GRIA1: variants seen among roughly 807,000 people sequenced by gnomAD.
GRIA1 encodes glutamate receptor 1.
Under a neutral mutation model 99.2 loss-of-function variants are expected in GRIA1, and 31 were observed. The observed-to-expected ratio is 0.31, with a 90% CI of 0.23 to 0.42. The LOEUF is 0.42. Ranked by LOEUF, GRIA1 falls within the 10% of genes least tolerant of loss-of-function variation. The pLI is 1.00. For synonymous variants in GRIA1, 438 were observed against 432.4 expected, an observed-to-expected ratio of 1.01 and a Z score of -0.16; for missense variants, 782 against 1,157.5, an observed-to-expected ratio of 0.68 and a Z score of 4.71.
chr5:153,804,997 C>A (rs1368545458), intron 15 of GRIA1, among the ~76,000 whole-genome samples: 1 of 151,996 alleles, frequency 6.6e-6, no homozygotes, highest in African/African-American at 2.4e-5. Flanking sequence ...GATAATCCAC[C>A]CACCTCGGCC....
At chr5:153,727,063 G>T (rs1391346587) in intron 11 of GRIA1, among the ~76,000 whole-genome samples, 2 of 152,088 alleles carry the variant, frequency 1.3e-5, no homozygotes, top group Non-Finnish European at 2.9e-5. Context: ...TCATCCCTGG[G>T]ATGCAAGGCT....
At chr5:153,804,721 A>AT (rs1288094883) in intron 15 of GRIA1, among the ~76,000 whole-genome samples, 21 of 66,192 alleles carry the variant, frequency 3.2e-4, no homozygotes, top group Non-Finnish European at 4.8e-4. Context: ...TTATTAATTA[A>AT]TTAATTAATT....
At chr5:153,630,911 T>C (rs1272637557) in intron 2 of GRIA1, among the ~76,000 whole-genome samples, 5 of 152,106 alleles carry the variant, frequency 3.3e-5, no homozygotes, top group Admixed American at 2.6e-4. Context: ...ATGGAGGAAA[T>C]CAGAACTTGA....
intron 13 of GRIA1, among the ~76,000 whole-genome samples, chr5:153,789,335 A>ATATC (rs1554128460): frequency 1.2e-3 from 172 of 148,626 alleles, no homozygotes; most frequent in African/African-American, 4.0e-3. Flanking sequence ...ATATATATAT[A>ATATC]TCTCCTACAT....
intron 7 of GRIA1, among the ~76,000 whole-genome samples, chr5:153,679,931 C>T (rs1391480381): frequency 6.6e-6 from 1 of 152,188 alleles, no homozygotes; most frequent in African/African-American, 2.4e-5. Flanking sequence ...ATACACAAAG[C>T]TCTAAACATT....
intron 2 of GRIA1, among the ~76,000 whole-genome samples, chr5:153,557,127 A>C (rs899844464): frequency 6.6e-6 from 1 of 152,242 alleles, no homozygotes; most frequent in African/African-American, 2.4e-5. Context: ...TGGAGCTTGC[A>C]GAACTGGACG....
intron 15 of GRIA1, among the ~76,000 whole-genome samples, chr5:153,810,759 T>C (rs1044096614): frequency 5.9e-5 from 9 of 152,174 alleles, no homozygotes; most frequent in African/African-American, 2.2e-4. Context: ...TCACAGAATG[T>C]AAGAATAAGA....
At chr5:153,661,649 T>G in intron 5 of GRIA1, among the ~76,000 whole-genome samples, 1 of 152,210 alleles carries the variant, frequency 6.6e-6, no homozygotes, top group East Asian at 1.9e-4. Flanking sequence ...ATAACAGGTG[T>G]GCTTTAAAAA....
intron 2 of GRIA1, among the ~76,000 whole-genome samples, chr5:153,566,971 C>T (rs35071937): frequency 0.15 from 22,300 of 152,130 alleles, 1,842 homozygotes; most frequent in South Asian, 0.27. Context: ...CCCGCCTCGG[C>T]CTCCCAAAGT....
At position 153,698,858 on chromosome 5, in the gene GRIA1, C is replaced by A; in HGVS notation, c.1246-9C>A. The A allele has an allele frequency of 6.3e-7, 1 of 1,593,932 alleles. No individual in the cohort carries two copies. The highest frequency in any genetic ancestry group is 8.6e-7 in the Non-Finnish European group (1 of 1,161,604). On this transcript the variant is annotated splice_polypyrimidine_tract_variant and intron_variant, in intron 9 of 15. Coordinates refer to ENST00000285900, the MANE Select transcript of GRIA1 (RefSeq NM_000827.4). ...CCCACATTCTGCTATCTCCCCATTT[C>A]TCTTCCAGGAAGATCCTTATGTGAT...
At chr5:153,768,012 C>G (rs936810854) in intron 12 of GRIA1, among the ~76,000 whole-genome samples, 3 of 152,188 alleles carry the variant, frequency 2.0e-5, no homozygotes, top group Admixed American at 1.3e-4. Flanking sequence ...CTCTGCCTGT[C>G]AACAGCCCAG....
chr5:153,668,166 A>G (rs1755883628), intron 5 of GRIA1, among the ~76,000 whole-genome samples: 2 of 151,776 alleles, frequency 1.3e-5, no homozygotes, highest in Admixed American at 6.6e-5. Context: ...CAGTGGATAT[A>G]GAGAGGAGAC....
chr5:153,708,466 T>A (rs1282535834), intron 11 of GRIA1, among the ~76,000 whole-genome samples: 1 of 152,104 alleles, frequency 6.6e-6, no homozygotes, highest in South Asian at 2.1e-4. Flanking sequence ...CCAGCCTCCC[T>A]CCTCCCTGAT....
intron 11 of GRIA1, among the ~76,000 whole-genome samples, chr5:153,730,196 A>T (rs1029445836): frequency 6.6e-6 from 1 of 152,028 alleles, no homozygotes; most frequent in African/African-American, 2.4e-5. Flanking sequence ...GAGGCCTAAG[A>T]ATTTTTATTT....
At chr5:153,678,317 C>A (rs1163740894) in intron 7 of GRIA1, among the ~76,000 whole-genome samples, 1 of 152,194 alleles carries the variant, frequency 6.6e-6, no homozygotes, top group African/African-American at 2.4e-5. Context: ...GCTGAAGGAA[C>A]CTCACCAGCT....
chr5:153,716,761 G>C (rs559713270), intron 11 of GRIA1, among the ~76,000 whole-genome samples: 2 of 152,336 alleles, frequency 1.3e-5, no homozygotes, highest in African/African-American at 4.8e-5. Flanking sequence ...CTTTAAGTAG[G>C]AAGGATAAAT....
intron 15 of GRIA1, among the ~76,000 whole-genome samples, chr5:153,805,181 AAAT>A (rs2149676569): frequency 6.6e-6 from 1 of 152,354 alleles, no homozygotes; most frequent in Non-Finnish European, 1.5e-5. Flanking sequence ...AGCCCTCAGT[AAAT>A]AATAATGACA....
upstream of GRIA1, chr5:153,490,585 A>G (rs1753822756): frequency 2.2e-6 from 1 of 459,644 alleles, no homozygotes; most frequent in African/African-American, 2.0e-5. Flanking sequence ...GGAGGGAGAG[A>G]GAGGCAGGCT....
At chr5:153,575,188 C>CAAGAGAAT (rs1762421842) in intron 2 of GRIA1, among the ~76,000 whole-genome samples, 1 of 53,162 alleles carries the variant, frequency 1.9e-5, no homozygotes, top group Non-Finnish European at 4.1e-5. Context: ...TCATGGAAAT[C>CAAGAGAAT]AAGAGAGAAA....
Sources: allele counts gnomAD v4.1 joint callset (sites outside exome capture counted in the v4.1 genomes callset), GRCh38; gene constraint gnomAD v4.1.1; transcripts MANE v1.5; gene names NCBI Gene and HGNC (gene_info 2026-07-23, HGNC 2026-07-21).